Variants in XKR5 observed in about 807,000 individuals in gnomAD.
The protein encoded by XKR5 is XK related 5.
Under a neutral mutation model 40.8 loss-of-function variants are expected in XKR5, and 46 were observed. The observed-to-expected ratio is 1.13, with a 90% confidence interval of 0.89 to 1.44. The LOEUF is 1.44. Among genes scored for constraint, XKR5 ranks in the 40% most tolerant of loss-of-function variants. The pLI is 0.00. For missense variants in XKR5, 1,169 were observed against 844.7 expected (o/e 1.38, Z -4.76); for synonymous variants, 466 against 356.1 (o/e 1.31, Z -3.48).
chr8:6,827,119 C>G (rs1388522824), intron 2 of XKR5, among the ~76,000 whole-genome samples: 5 of 152,160 alleles, frequency 3.3e-5, no homozygotes, highest in Admixed American at 3.3e-4. Context: ...AAGCCACTCC[C>G]CACCACACCA....
At chr8:6,834,203 A>ACCG (rs1438128139) in intron 1 of XKR5, among the ~76,000 whole-genome samples, 1 of 152,212 alleles carries the variant, frequency 6.6e-6, no homozygotes, top group African/African-American at 2.4e-5. Flanking sequence ...GCATCGTTTC[A>ACCG]CACAACTGTT....
intron 2 of XKR5, among the ~76,000 whole-genome samples, chr8:6,829,628 G>A (rs1804666685): frequency 6.6e-6 from 1 of 152,172 alleles, no homozygotes; most frequent in African/African-American, 2.4e-5. Flanking sequence ...CGATTCTCAT[G>A]CTTCAGTCTC....
intron 4 of XKR5, among the ~76,000 whole-genome samples, chr8:6,823,278 C>G (rs928902457): frequency 6.6e-6 from 1 of 152,188 alleles, no homozygotes; most frequent in African/African-American, 2.4e-5. Flanking sequence ...AGAAGACTAG[C>G]AGTTTCCAGT....
At chr8:6,834,349 G>T (rs915714849) in intron 1 of XKR5, among the ~76,000 whole-genome samples, 1 of 152,252 alleles carries the variant, frequency 6.6e-6, no homozygotes, top group Non-Finnish European at 1.5e-5. Context: ...GGCTCAGGCA[G>T]CCCTTAGCGC....
At position 6,812,170 on chromosome 8, in the gene XKR5, T is replaced by C; in HGVS notation, c.1089A>G (p.Ser363=). 1 of 1,551,748 alleles carries C rather than the reference T, an allele frequency of 6.4e-7. No individual in the cohort carries two copies. The highest frequency in any genetic ancestry group is 2.4e-5 in the East Asian group (1 of 40,922). Reference sequence around the variant, plus strand: ...TTGGTTCATAACTTGCCCCTTGGCATGAGCCTGAGCTCTCGGTTCTCTTCC... The same window carrying C: ...TTGGTTCATAACTTGCCCCTTGGCACGAGCCTGAGCTCTCGGTTCTCTTCC... ...LAGKRTESSG[S]CQGASYEPTI... The change falls in exon 7 of 7, where the codon TCA becomes TCG. Residue 363 remains serine (S), a synonymous_variant. Transcript: ENST00000618742.
chr8:6,813,676 C>G (rs1303838911), intron 6 of XKR5, among the ~76,000 whole-genome samples: 1 of 152,200 alleles, frequency 6.6e-6, no homozygotes, highest in Admixed American at 6.5e-5. Context: ...AGACAAGGCT[C>G]TGAGCCGGTG....
Position 6,811,190 on chromosome 8 carries a change from G to C in XKR5, c.*8C>G. 6.5e-7 allele frequency: 1 copy of C among 1,531,096 alleles called. No individual in the cohort carries two copies. The allele number at this position is 1,531,096 out of a possible 1,614,324, so 94.8% of individuals were successfully genotyped here. A position where few individuals can be genotyped will look rare whatever the true frequency, so the allele number is the denominator to read the frequency against. On this transcript the variant is annotated 3_prime_UTR_variant, in exon 7 of 7. Transcript: ENST00000618742. ...TCAGCCTGTTGTCTTATCCCACCAT[G>C]ACTGTGGTCAGATGAAAAAACTCGG...
In XKR5 at chr8:6,821,961, GC is replaced by G. The variant is rs1329011114; in HGVS notation, c.714del (p.Arg238SerfsTer60). ...SDIIDSTCHWRLFNLLVGAVY... is the reference protein window; with the variant it reads ...SDIIDSTCHWXLFNLLVGAVY... ...ACGGCCCCCACGAGCAGGTTGAACAGCCTCCAGTGGCAGGTGCTGTCGATGA... is the reference window on the plus strand; with the variant it reads ...ACGGCCCCCACGAGCAGGTTGAACAGCTCCAGTGGCAGGTGCTGTCGATGA... On this transcript the variant is annotated frameshift_variant, in exon 5 of 7. Coordinates refer to ENST00000618742, the MANE Select transcript of XKR5 (RefSeq NM_207411.5). LOFTEE classifies it high-confidence loss of function. The G allele has an allele frequency of 6.2e-7, 1 of 1,612,272 alleles. No individual in the cohort carries two copies. Among genetic ancestry groups the G allele is most frequent in the Admixed American group, 1.7e-5 (1 of 59,780 alleles).
Position 6,828,488 on chromosome 8 carries a change from G to A in XKR5, c.243-3139C>T, listed in dbSNP as rs533334586. ...GGTGACTAGCCCGGTTTTCTGAAAC[G>A]AGCTGTCTCGAACCCATTGCAGAGG... is the stretch of plus-strand genomic sequence containing the variant. On this transcript the variant is annotated intron_variant, in intron 2 of 6. Coordinates refer to ENST00000618742, the MANE Select transcript of XKR5 (RefSeq NM_207411.5). 2.0e-5 allele frequency among the ~76,000 whole-genome samples: 3 copies of A among 152,156 alleles called. No homozygotes were observed. In the South Asian group the frequency reaches 6.2e-4, roughly 31 times the overall value.
intron 1 of XKR5, among the ~76,000 whole-genome samples, chr8:6,835,156 G>A (rs777712285): frequency 1.3e-5 from 2 of 151,098 alleles, no homozygotes; most frequent in African/African-American, 2.4e-5. Flanking sequence ...ATCGTGCATG[G>A]GCGGGAGGAA....
chr8:6,827,512 G>C (rs1328240226), intron 2 of XKR5, among the ~76,000 whole-genome samples: 1 of 152,176 alleles, frequency 6.6e-6, no homozygotes, highest in Non-Finnish European at 1.5e-5. Context: ...GAGATCCCAG[G>C]ACAGATGTCT....
rs1402680368 is a variant in XKR5, at chr8:6,812,198, G to C, written c.1061C>G (p.Ala354Gly). Residue 354 changes from alanine (A) to glycine (G), a missense_variant, in exon 7 of 7, where the codon GCT (alanine) becomes GGT (glycine). By Grantham distance (60) the Ala-to-Gly change is moderately conservative. Coordinates refer to ENST00000618742, the MANE Select transcript of XKR5 (RefSeq NM_207411.5). Reference protein sequence around the residue: ...RRDSPRATDLAGKRTESSGSC... With the variant: ...RRDSPRATDLGGKRTESSGSC... ...GCCTGAGCTCTCGGTTCTCTTCCCA[G>C]CTAGATCTGTGGCCCGGGGAGAATC... The C allele has an allele frequency of 6.4e-7, 1 of 1,551,842 alleles. No homozygotes were observed. Among genetic ancestry groups the C allele is most frequent in the Non-Finnish European group, 8.7e-7 (1 of 1,147,022 alleles).
chr8:6,814,808 C>T (rs555318076), intron 6 of XKR5, among the ~76,000 whole-genome samples: 7 of 152,182 alleles, frequency 4.6e-5, no homozygotes, highest in Non-Finnish European at 1.0e-4. Context: ...TACGAAGCCA[C>T]AGTGTGTGAC....
rs974066155 is a variant in XKR5, at chr8:6,811,808, G to T, written c.1451C>A (p.Thr484Asn). Residue 484 changes from threonine to asparagine, a missense_variant, in exon 7 of 7, where the codon ACC (threonine) becomes AAC (asparagine). Coordinates refer to ENST00000618742, the MANE Select transcript of XKR5 (RefSeq NM_207411.5). The stretch of plus-strand genomic sequence containing the variant: ...GCTGGCAAAAGATACGTAACTTGAG[G>T]TTTCCAATGGGTCGGCCTCTGCTTT... Reference protein sequence around the residue: ...VPKAEADPLETSSYVSFASDQ... With the variant: ...VPKAEADPLENSSYVSFASDQ... 6.5e-6 allele frequency: 10 copies of T among 1,537,512 alleles called. No individual in the cohort carries two copies. The South Asian group carries it at 9.5e-5, about 15-fold the overall frequency.
At chr8:6,820,081 G>C (rs1240445587) in intron 5 of XKR5, among the ~76,000 whole-genome samples, 1 of 152,254 alleles carries the variant, frequency 6.6e-6, no homozygotes, top group Non-Finnish European at 1.5e-5. Context: ...TGTGGGGGCA[G>C]GGGGAGCCCC....
chr8:6,835,435 C>G lies in XKR5; in HGVS notation c.58+1G>C. 2.7e-6 allele frequency: 4 copies of G among 1,488,622 alleles called. No individual in the cohort carries two copies. Among genetic ancestry groups the G allele is most frequent in the South Asian group, 1.3e-5 (1 of 78,870 alleles). 92.2% of individuals were successfully genotyped at this position (1,488,622 alleles called of 1,614,324 possible). On this transcript the variant is annotated splice_donor_variant, in intron 1 of 6. Coordinates refer to ENST00000618742, the MANE Select transcript of XKR5 (RefSeq NM_207411.5). LOFTEE classifies it high-confidence loss of function. ...GCACAGCCTCGGGCTGCCGCACTCA[C>G]GCGCGCTCTGCTCGGCCGCCTGCAG...
At chr8:6,832,583 G>C in intron 2 of XKR5, 134 bp downstream of exon 2, 2 of 1,122,186 alleles carry the variant, frequency 1.8e-6, no homozygotes, top group Non-Finnish European at 2.5e-6. Context: ...GCAGGGGTTT[G>C]CTGTGGCCGC....
At chr8:6,821,777 T>C in intron 5 of XKR5, 92 bp downstream of exon 5, 1 of 1,138,116 alleles carries the variant, frequency 8.8e-7, no homozygotes, top group Non-Finnish European at 1.2e-6. Flanking sequence ...TGTGCATTGG[T>C]GCACACACAC....
At position 6,835,437 on chromosome 8, in the gene XKR5, C is replaced by T. The variant is rs79981623; in HGVS notation, c.57G>A (p.Ala19=). Residue 19 remains alanine, a splice_region_variant and synonymous_variant, in exon 1 of 7, where the codon GCG becomes GCA. Coordinates refer to ENST00000618742, the MANE Select transcript of XKR5 (RefSeq NM_207411.5). ...SALLQAAEQS[A]RLYTVAYYFT... Reference sequence around the variant, plus strand: ...ACAGCCTCGGGCTGCCGCACTCACGCGCGCTCTGCTCGGCCGCCTGCAGCA... The same window carrying T: ...ACAGCCTCGGGCTGCCGCACTCACGTGCGCTCTGCTCGGCCGCCTGCAGCA... 1,539 of 1,489,222 alleles carry T rather than the reference C, an allele frequency of 1.0e-3. 20 individuals carry two copies. In the African/African-American group the frequency reaches 0.02, roughly 20 times the overall value. The allele number at this position is 1,489,222 out of a possible 1,614,324, so 92.3% of individuals were successfully genotyped here.
Sources: gnomAD v4.1 joint callset for allele counts (sites outside exome capture counted in the v4.1 genomes callset) on GRCh38, gnomAD v4.1.1 for gene constraint, MANE v1.5 for transcripts, NCBI Gene and HGNC (gene_info 2026-07-23, HGNC 2026-07-21) for gene names.